Variants in GABRB2 observed in about 807,000 individuals in gnomAD.
GABRB2 encodes the protein gamma-aminobutyric acid receptor subunit beta-2.
Under a neutral mutation model 54.7 loss-of-function variants are expected in GABRB2, and 16 were observed. The observed-to-expected ratio is 0.29, with a 90% CI of 0.20 to 0.44. GABRB2 has a LOEUF of 0.44. GABRB2 is among the 20% of genes least tolerant of loss of function. The probability of loss-of-function intolerance (pLI) is 1.00; values close to 1 mark genes in which losing one functional copy is unlikely to be tolerated. For synonymous variants in GABRB2, 244 were observed against 233.8 expected, an observed-to-expected ratio of 1.04 and a Z score of -0.40; for missense variants, 355 against 644.0, an observed-to-expected ratio of 0.55 and a Z score of 4.86.
intron 3 of GABRB2, among the ~76,000 whole-genome samples, chr5:161,520,330 T>G (rs187701834): frequency 2.0e-5 from 3 of 152,120 alleles, no homozygotes; most frequent in African/African-American, 4.8e-5. Context: ...CATCATAAAA[T>G]AGAGGGATTT....
intron 4 of GABRB2, among the ~76,000 whole-genome samples, chr5:161,449,604 A>G (rs1246987590): frequency 1.3e-5 from 2 of 152,210 alleles, no homozygotes; most frequent in Non-Finnish European, 2.9e-5. Context: ...AACAATCTGC[A>G]TTATTTCAAG....
At chr5:161,375,737 C>T (rs1310131903) in intron 5 of GABRB2, among the ~76,000 whole-genome samples, 1 of 152,156 alleles carries the variant, frequency 6.6e-6, no homozygotes. Flanking sequence ...AACACAATAA[C>T]ATCATACGGT....
chr5:161,465,025 G>A (rs978879414), intron 3 of GABRB2, among the ~76,000 whole-genome samples: 5 of 151,990 alleles, frequency 3.3e-5, no homozygotes, highest in African/African-American at 1.2e-4. Flanking sequence ...ACCAAAGCGA[G>A]TGCATTTTTC....
chr5:161,378,605 T>C (rs1460665601), intron 5 of GABRB2, among the ~76,000 whole-genome samples: 1 of 152,150 alleles, frequency 6.6e-6, no homozygotes, highest in African/African-American at 2.4e-5. Flanking sequence ...GTATTTACCA[T>C]GATGCTCAAA....
At chr5:161,512,753 A>G (rs1759816128) in intron 3 of GABRB2, among the ~76,000 whole-genome samples, 1 of 152,092 alleles carries the variant, frequency 6.6e-6, no homozygotes, top group Admixed American at 6.6e-5. Flanking sequence ...GCACAGCAAA[A>G]GGATTGACAG....
At chr5:161,330,710 A>G (rs1753812858) in intron 8 of GABRB2, 173 bp downstream of exon 8, 3 of 839,510 alleles carry the variant, frequency 3.6e-6, no homozygotes, top group Middle Eastern at 3.7e-4. Context: ...TTGTGTCATG[A>G]GTTTGGTCCC....
At chr5:161,499,603 T>C (rs1166390932) in intron 3 of GABRB2, among the ~76,000 whole-genome samples, 1 of 152,202 alleles carries the variant, frequency 6.6e-6, no homozygotes, top group African/African-American at 2.4e-5. Flanking sequence ...ATGCAGTATT[T>C]TTAAAACAAC....
chr5:161,297,071 T>C (rs1302220544), intron 9 of GABRB2, among the ~76,000 whole-genome samples: 1 of 152,122 alleles, frequency 6.6e-6, no homozygotes, highest in Non-Finnish European at 1.5e-5. Flanking sequence ...AAATTAAGTA[T>C]GTTGCCCTTG....
At chr5:161,538,991 A>C (rs570973107) in intron 3 of GABRB2, among the ~76,000 whole-genome samples, 1 of 152,236 alleles carries the variant, frequency 6.6e-6, no homozygotes, top group Non-Finnish European at 1.5e-5. Flanking sequence ...GTGATGCAAG[A>C]AAACATCTGT....
At chr5:161,350,389 C>A (rs1389090683) in intron 5 of GABRB2, among the ~76,000 whole-genome samples, 1 of 152,026 alleles carries the variant, frequency 6.6e-6, no homozygotes, top group South Asian at 2.1e-4. Context: ...AGTTTCTGTA[C>A]ACTAACAACA....
At chr5:161,541,899 T>C (rs1760829974) in intron 3 of GABRB2, among the ~76,000 whole-genome samples, 1 of 152,248 alleles carries the variant, frequency 6.6e-6, no homozygotes. Context: ...GCAAGAGACC[T>C]AGCTATCTGC....
At chr5:161,512,133 A>G (rs1759790617) in intron 3 of GABRB2, among the ~76,000 whole-genome samples, 1 of 152,232 alleles carries the variant, frequency 6.6e-6, no homozygotes, top group Non-Finnish European at 1.5e-5. Context: ...GAGTTGGAAA[A>G]ATCAATCTAC....
chr5:161,362,758 C>A (rs1358534358), intron 5 of GABRB2, among the ~76,000 whole-genome samples: 1 of 151,864 alleles, frequency 6.6e-6, no homozygotes, highest in African/African-American at 2.4e-5. Context: ...TTTATGCAGC[C>A]AACAAACATA....
chr5:161,496,422 G>C (rs12189094), intron 3 of GABRB2, among the ~76,000 whole-genome samples: 31,102 of 151,710 alleles, frequency 0.21, 3,631 homozygotes, highest in Non-Finnish European at 0.27. Flanking sequence ...TAATCAGCTA[G>C]TTATTTAACA....
chr5:161,293,277 G>A lies in GABRB2; in HGVS notation c.*804C>T, dbSNP rs1344464530. The A allele has an allele frequency of 6.6e-6, 1 of 152,282 alleles. No homozygotes were observed. The highest frequency in any genetic ancestry group is 2.4e-5 in the African/African-American group (1 of 41,444). 9.4% of individuals were successfully genotyped at this position (152,282 alleles called of 1,614,324 possible). On this transcript the variant is annotated 3_prime_UTR_variant, in exon 10 of 10. Coordinates refer to ENST00000393959, the MANE Select transcript of GABRB2 (RefSeq NM_001371727.1). ...ACCAGATGCTGTGTGGAGCTGATAAGGGTCATGCTTTCTTGCTTGCTTGCT... is the reference window on the plus strand; with the variant it reads ...ACCAGATGCTGTGTGGAGCTGATAAAGGTCATGCTTTCTTGCTTGCTTGCT...
chr5:161,459,857 G>GAA lies in GABRB2; in HGVS notation c.238-15_238-14dup. 4 of 1,510,634 alleles carry GAA rather than the reference G, an allele frequency of 2.6e-6. No homozygotes were observed. The highest frequency in any genetic ancestry group is 2.4e-5 in the South Asian group (2 of 84,922). 93.6% of individuals were successfully genotyped at this position (1,510,634 alleles called of 1,614,324 possible). Reference sequence around the variant, plus strand: ...TCAAGGTATAATCCTGTAAATGTGAGAAAAAAAAACATGGTTAGTTTACAC... The same window carrying GAA: ...TCAAGGTATAATCCTGTAAATGTGAGAAAAAAAAAAACATGGTTAGTTTACAC... On this transcript the variant is annotated splice_polypyrimidine_tract_variant and intron_variant, in intron 3 of 9. Transcript: ENST00000393959.
Position 161,530,186 on chromosome 5 carries a change from A to AT in GABRB2, c.237+15040dup, listed in dbSNP as rs1275406687. On this transcript the variant is annotated intron_variant, in intron 3 of 9. Transcript: ENST00000393959. ...AACCCAGAGCTCCAGCATTGTGACT[A>AT]TTTTTTAAGGGAGAACATGAACAAT... Among the ~76,000 whole-genome samples, 11 of 152,224 alleles carry AT rather than the reference A, an allele frequency of 7.2e-5. No individual in the cohort carries two copies. In the East Asian group the frequency reaches 2.1e-3, roughly 29 times the overall value.
chr5:161,509,117 C>A (rs2113398896), intron 3 of GABRB2, among the ~76,000 whole-genome samples: 1 of 151,872 alleles, frequency 6.6e-6, no homozygotes, highest in African/African-American at 2.4e-5. Context: ...GAATTAGCCT[C>A]AAAATAAGAG....
intron 4 of GABRB2, among the ~76,000 whole-genome samples, chr5:161,419,055 AGATCAAGGCTGCAGTGAGCCTTGGT>A (rs539912777): frequency 5.3e-5 from 8 of 152,172 alleles, no homozygotes; most frequent in Non-Finnish European, 1.0e-4. Flanking sequence ...TGAGCCTTGG[AGATCAAGGCTGCAGTGAGCCTTGGT>A]TGAGACACTG....
Sources: gnomAD v4.1 joint callset for allele counts (sites outside exome capture counted in the v4.1 genomes callset) on GRCh38, gnomAD v4.1.1 for gene constraint, MANE v1.5 for transcripts, NCBI Gene and HGNC (gene_info 2026-07-23, HGNC 2026-07-21) for gene names.